The following ITGA1 variants were observed in gnomAD, a reference collection of about 807,000 sequenced individuals.
ITGA1 encodes the protein integrin subunit alpha 1, also known as integrin alpha-1.
In ITGA1, 85 loss-of-function variants were observed where a neutral mutation model predicts 145.9. The ratio of observed to expected loss-of-function variants is 0.58; its 90% CI spans 0.49 to 0.70. The LOEUF is 0.70. ITGA1 is among the 30% of genes least tolerant of loss of function. The pLI, the probability that ITGA1 is intolerant of heterozygous loss-of-function variation, is 0.00. For missense variants in ITGA1, 1,351 were observed against 1,418.7 expected (o/e 0.95, Z 0.77); for synonymous variants, 520 against 495.3 (o/e 1.05, Z -0.66).
At chr5:52,917,971 C>G (rs115377462) in intron 15 of ITGA1, among the ~76,000 whole-genome samples, 1 of 152,068 alleles carries the variant, frequency 6.6e-6, no homozygotes, top group Non-Finnish European at 1.5e-5. Flanking sequence ...AGGCAGAAAC[C>G]AGGTAAAAAT....
intron 15 of ITGA1, among the ~76,000 whole-genome samples, chr5:52,918,017 G>A (rs905450835): frequency 6.6e-6 from 1 of 152,104 alleles, no homozygotes; most frequent in African/African-American, 2.4e-5. Flanking sequence ...CTAAGACAAT[G>A]ACCTCAGTAT....
At chr5:52,920,772 C>T (rs1316654021) in intron 17 of ITGA1, among the ~76,000 whole-genome samples, 1 of 152,164 alleles carries the variant, frequency 6.6e-6, no homozygotes, top group Non-Finnish European at 1.5e-5. Context: ...TCATTTCTTT[C>T]ACTCATTCAT....
chr5:52,936,595 T>C (rs566037281), intron 23 of ITGA1, among the ~76,000 whole-genome samples: 1 of 152,232 alleles, frequency 6.6e-6, no homozygotes, highest in African/African-American at 2.4e-5. Context: ...GCTTCAGCAG[T>C]AGGAAGGGGA....
At chr5:52,846,681 C>T (rs921863236) in intron 1 of ITGA1, among the ~76,000 whole-genome samples, 1 of 152,140 alleles carries the variant, frequency 6.6e-6, no homozygotes, top group Non-Finnish European at 1.5e-5. Flanking sequence ...ATAAAAGGAC[C>T]CGTGCAATTC....
chr5:52,907,408 C>A (rs1462537283), intron 12 of ITGA1, among the ~76,000 whole-genome samples: 2 of 152,068 alleles, frequency 1.3e-5, no homozygotes, highest in Non-Finnish European at 2.9e-5. Context: ...TAGATGACGT[C>A]TTTGATCCAT....
intron 7 of ITGA1, among the ~76,000 whole-genome samples, chr5:52,884,162 G>A (rs368499252): frequency 8.5e-5 from 13 of 152,084 alleles, no homozygotes; most frequent in African/African-American, 2.2e-4. Flanking sequence ...TCAGAAAATC[G>A]GCTGGGTGCA....
chr5:52,909,078 T>C (rs1335109099), intron 13 of ITGA1, 37 bp downstream of exon 13: 4 of 1,563,100 alleles, frequency 2.6e-6, no homozygotes, highest in East Asian at 2.3e-5. Flanking sequence ...TCCAGGAAAA[T>C]CTCTTCCTTC....
At chr5:52,858,808 C>T (rs1749555785) in intron 2 of ITGA1, among the ~76,000 whole-genome samples, 1 of 152,098 alleles carries the variant, frequency 6.6e-6, no homozygotes, top group Non-Finnish European at 1.5e-5. Flanking sequence ...TAAGAACTAA[C>T]ATTTAGATAG....
At chr5:52,897,766 G>A (rs1055051183) in intron 10 of ITGA1, among the ~76,000 whole-genome samples, 10 of 152,270 alleles carry the variant, frequency 6.6e-5, no homozygotes, top group African/African-American at 2.4e-4. Flanking sequence ...GAATCAGACA[G>A]TGTGAGCTTT....
intron 1 of ITGA1, among the ~76,000 whole-genome samples, chr5:52,831,934 A>G (rs1442831689): frequency 6.6e-6 from 1 of 152,156 alleles, no homozygotes; most frequent in Non-Finnish European, 1.5e-5. Flanking sequence ...ATAAAGTAAG[A>G]AGAAAACAAT....
chr5:52,948,122 G>T (rs1751162301), intron 28 of ITGA1, among the ~76,000 whole-genome samples: 1 of 152,058 alleles, frequency 6.6e-6, no homozygotes, highest in Non-Finnish European at 1.5e-5. Flanking sequence ...GTTTTGCTTA[G>T]GCTGAAATAG....
At chr5:52,911,319 T>C (rs1031204267) in intron 14 of ITGA1, among the ~76,000 whole-genome samples, 8 of 134,602 alleles carry the variant, frequency 5.9e-5, no homozygotes, top group Non-Finnish European at 1.1e-4. Context: ...ATAGTGTATA[T>C]ATAGTGTATA....
chr5:52,933,745 T>C (rs181193436), intron 22 of ITGA1, 149 bp from the exon 23 acceptor site: 63 of 375,404 alleles, frequency 1.7e-4, no homozygotes, highest in African/African-American at 1.1e-3. Flanking sequence ...AGATTTAATT[T>C]TACGTTTCAA....
chr5:52,906,660 G>A (rs987415154), intron 12 of ITGA1, among the ~76,000 whole-genome samples: 2 of 152,140 alleles, frequency 1.3e-5, no homozygotes, highest in Non-Finnish European at 2.9e-5. Flanking sequence ...AAAGTTTTCT[G>A]TATTTTTCAA....
rs78579087 is a variant in ITGA1 at position 52,907,519 on chromosome 5, T to A, written c.1456-1379T>A. ...TATCATGAATGATTTAAATCGTGAA[T>A]GATTTCAGTTTCAAGCCTGGGAATC... is the stretch of plus-strand genomic sequence containing the variant. On this transcript the variant is annotated intron_variant, in intron 12 of 28. Transcript: ENST00000282588. 1.5e-3 allele frequency among the ~76,000 whole-genome samples: 235 copies of A among 152,330 alleles called. 2 individuals are homozygous for A. The South Asian group carries it at 0.033, about 21-fold the overall frequency.
intron 3 of ITGA1, among the ~76,000 whole-genome samples, chr5:52,864,500 C>T (rs981249432): frequency 2.0e-5 from 3 of 152,152 alleles, no homozygotes; most frequent in African/African-American, 7.2e-5. Context: ...AAAAAGCAAT[C>T]CCACATTCTC....
chr5:52,952,495 T>G lies in ITGA1; in HGVS notation c.*44T>G. The G allele has an allele frequency of 1.1e-6, 1 of 932,904 alleles. No individual in the cohort carries two copies. The highest frequency in any genetic ancestry group is 1.7e-5 in the African/African-American group (1 of 58,162). 57.8% of individuals were successfully genotyped at this position (932,904 alleles called of 1,614,324 possible). On this transcript the variant is annotated 3_prime_UTR_variant, in exon 29 of 29. Coordinates refer to ENST00000282588, the MANE Select transcript of ITGA1 (RefSeq NM_181501.2). The stretch of plus-strand genomic sequence containing the variant: ...ATAATAACAATTATTCAATAATCTA[T>G]CCTCAGGTTTGCCTCAAATATGTGA...
chr5:52,917,551 G>T (rs1750665225), intron 15 of ITGA1, among the ~76,000 whole-genome samples: 2 of 114,540 alleles, frequency 1.7e-5, no homozygotes, highest in African/African-American at 5.4e-5. Context: ...GCATATGCTG[G>T]TATAGTCTGC....
chr5:52,881,158 G>A (rs1426947433), intron 6 of ITGA1, among the ~76,000 whole-genome samples: 2 of 152,220 alleles, frequency 1.3e-5, no homozygotes, highest in East Asian at 3.8e-4. Context: ...AAATGAGGCT[G>A]CAGCAAGGTT....
Sources: allele counts gnomAD v4.1 joint callset (sites outside exome capture counted in the v4.1 genomes callset), GRCh38; gene constraint gnomAD v4.1.1; transcripts MANE v1.5; gene names NCBI Gene and HGNC (gene_info 2026-07-23, HGNC 2026-07-21).